TRPM3: variants seen among roughly 807,000 people sequenced by gnomAD.
TRPM3 encodes long transient receptor potential channel 3.
TRPM3 carries 77 observed loss-of-function variants against 181.2 expected under a neutral mutation model. That is an observed-to-expected ratio of 0.42 (90% CI 0.35 to 0.51). The LOEUF (loss-of-function observed/expected upper bound fraction) is 0.51. TRPM3 is among the 20% of genes least tolerant of loss of function. The pLI, the probability that TRPM3 is intolerant of heterozygous loss-of-function variation, is 0.01. For synonymous variants in TRPM3, 745 were observed against 796.4 expected (o/e 0.94, Z 1.09); for missense variants, 1,759 against 2,196.7 (o/e 0.80, Z 3.98).
intron 7 of TRPM3, among the ~76,000 whole-genome samples, chr9:70,780,274 A>T (rs1373081522): frequency 2.0e-5 from 3 of 152,296 alleles, no homozygotes; most frequent in Non-Finnish European, 2.9e-5. Flanking sequence ...AACTTAAAAC[A>T]TTTTTAATCA....
At chr9:71,166,234 A>G (rs769825707) in intron 1 of TRPM3, among the ~76,000 whole-genome samples, 1 of 152,110 alleles carries the variant, frequency 6.6e-6, no homozygotes, top group Non-Finnish European at 1.5e-5. Flanking sequence ...AAGTCACCAA[A>G]TGGAGGATGA....
rs561447233 is a variant in TRPM3 at position 70,823,475 on chromosome 9, A to G, written c.973+4372T>C. Among the ~76,000 whole-genome samples, 12 of 152,342 alleles carry G rather than the reference A, an allele frequency of 7.9e-5. No homozygotes were observed. The South Asian group carries it at 2.5e-3, about 32-fold the overall frequency. The stretch of plus-strand genomic sequence containing the variant: ...CTCCACAGAATGCTCTTTCACAGCC[A>G]GCCGCTTGCTTCATTCAGGTTGTTG... On this transcript the variant is annotated intron_variant, in intron 6 of 25. Transcript: ENST00000677713.
At chr9:71,016,435 C>A (rs549877206) in intron 1 of TRPM3, among the ~76,000 whole-genome samples, 1 of 152,086 alleles carries the variant, frequency 6.6e-6, no homozygotes, top group East Asian at 1.9e-4. Flanking sequence ...TCCTCCCTCC[C>A]TACTCCCAGA....
At chr9:71,099,112 T>C (rs1692310462) in intron 1 of TRPM3, among the ~76,000 whole-genome samples, 1 of 152,162 alleles carries the variant, frequency 6.6e-6, no homozygotes. Flanking sequence ...TATAAAAATT[T>C]ATTTCTCACG....
At chr9:70,977,727 G>A (rs753053976) in intron 1 of TRPM3, among the ~76,000 whole-genome samples, 52 of 152,250 alleles carry the variant, frequency 3.4e-4, no homozygotes, top group Non-Finnish European at 6.8e-4. Flanking sequence ...TGCCAGAACA[G>A]CTCATGGAAC....
Position 70,535,779 on chromosome 9 carries a change from GC to G in TRPM3, c.*173del, listed in dbSNP as rs2131570269. 1.3e-6 allele frequency: 2 copies of G among 1,481,774 alleles called. No individual in the cohort carries two copies. The highest frequency in any genetic ancestry group is 4.6e-5 in the East Asian group (2 of 43,424). 91.8% of individuals were successfully genotyped at this position (1,481,774 alleles called of 1,614,324 possible). A position where few individuals can be genotyped will look rare whatever the true frequency, so the allele number is the denominator to read the frequency against. On this transcript the variant is annotated 3_prime_UTR_variant, in exon 26 of 26. Transcript: ENST00000677713. ...TGTCTGGCACTGGGTCAGATCAAAT[GC>G]TTTCTTGATCTGTGGCCCAGAAGTC... is the stretch of plus-strand genomic sequence containing the variant.
chr9:71,038,486 C>G (rs2058463084), intron 1 of TRPM3, among the ~76,000 whole-genome samples: 2 of 152,168 alleles, frequency 1.3e-5, no homozygotes, highest in Non-Finnish European at 2.9e-5. Context: ...CTTTCTCCCT[C>G]TCTTCTTTCC....
At chr9:70,828,715 T>TTTTG (rs758707614) in intron 5 of TRPM3, among the ~76,000 whole-genome samples, 106 of 143,284 alleles carry the variant, frequency 7.4e-4, no homozygotes, top group African/African-American at 2.3e-3. Context: ...TTTTTTTTTT[T>TTTTG]TATAAAAAGA....
chr9:71,313,464 A>G (rs955888750), intron 1 of TRPM3, among the ~76,000 whole-genome samples: 1 of 152,170 alleles, frequency 6.6e-6, no homozygotes, highest in African/African-American at 2.4e-5. Flanking sequence ...TTAAGATGTC[A>G]TTTATGTTTC....
In TRPM3 at chr9:71,189,700, C is replaced by T. The variant is rs1188275209; in HGVS notation, c.183+256953G>A. On this transcript the variant is annotated intron_variant, in intron 1 of 24. Transcript: ENST00000357533. ...CAAATACCTTTTCATCCCTCAAGGCCCAACTGAAACATCTCTTCTACCCCT... is the reference window on the plus strand; with the variant it reads ...CAAATACCTTTTCATCCCTCAAGGCTCAACTGAAACATCTCTTCTACCCCT... Among the ~76,000 whole-genome samples, 5 of 151,780 alleles carry T rather than the reference C, an allele frequency of 3.3e-5. No individual in the cohort carries two copies. The East Asian group carries it at 7.7e-4, about 24-fold the overall frequency.
chr9:70,738,259 C>T (rs913992257), intron 8 of TRPM3, among the ~76,000 whole-genome samples: 1 of 152,096 alleles, frequency 6.6e-6, no homozygotes, highest in Non-Finnish European at 1.5e-5. Context: ...AAATAACCAG[C>T]CCCTGAATGA....
intron 1 of TRPM3, among the ~76,000 whole-genome samples, chr9:71,034,554 T>C (rs1485629794): frequency 1.3e-5 from 2 of 151,972 alleles, no homozygotes. Flanking sequence ...GGGTGGGGTG[T>C]GCAGCAGTTA....
intron 1 of TRPM3, among the ~76,000 whole-genome samples, chr9:71,257,639 A>T (rs1566839): frequency 0.27 from 40,774 of 152,102 alleles, 6,015 homozygotes; most frequent in Middle Eastern, 0.47. Context: ...AAGTGAATTG[A>T]TTTATACTAC....
chr9:71,308,784 G>T (rs2087629723), intron 1 of TRPM3, among the ~76,000 whole-genome samples: 2 of 152,098 alleles, frequency 1.3e-5, no homozygotes, highest in African/African-American at 2.4e-5. Context: ...GTTGCTTCTG[G>T]CTGAGACTGA....
intron 7 of TRPM3, among the ~76,000 whole-genome samples, chr9:70,762,296 G>C (rs2078286513): frequency 6.6e-6 from 1 of 152,152 alleles, no homozygotes; most frequent in African/African-American, 2.4e-5. Flanking sequence ...TCAAGCTTTT[G>C]TTCTGTTACA....
intron 1 of TRPM3, among the ~76,000 whole-genome samples, chr9:71,363,639 A>C (rs1210522349): frequency 6.6e-6 from 1 of 152,184 alleles, no homozygotes; most frequent in African/African-American, 2.4e-5. Flanking sequence ...GTGCTTTGTA[A>C]AATCTCATTT....
intron 1 of TRPM3, among the ~76,000 whole-genome samples, chr9:71,141,168 CAT>C (rs1185866365): frequency 2.0e-5 from 3 of 152,164 alleles, no homozygotes; most frequent in Non-Finnish European, 4.4e-5. Flanking sequence ...TGACTCTTCA[CAT>C]GTTTTAAAGT....
chr9:70,558,301 A>G (rs529286530), intron 22 of TRPM3, among the ~76,000 whole-genome samples: 4 of 152,108 alleles, frequency 2.6e-5, no homozygotes, highest in Non-Finnish European at 4.4e-5. Context: ...GTCGATTTCA[A>G]TTGGGTTTCT....
chr9:70,879,032 A>G (rs2095929520), intron 1 of TRPM3, among the ~76,000 whole-genome samples: 1 of 152,132 alleles, frequency 6.6e-6, no homozygotes, highest in Non-Finnish European at 1.5e-5. Flanking sequence ...ATTTTCATGT[A>G]TTAACTAATT....
Sources: allele counts gnomAD v4.1 joint callset (sites outside exome capture counted in the v4.1 genomes callset), GRCh38; gene constraint gnomAD v4.1.1; transcripts MANE v1.5; gene names NCBI Gene and HGNC (gene_info 2026-07-23, HGNC 2026-07-21).